Variants in MYOCD observed in about 807,000 individuals in gnomAD.
The protein encoded by MYOCD is myocardin.
Under a neutral mutation model 96.1 loss-of-function variants are expected in MYOCD, and 32 were observed. The ratio of observed to expected loss-of-function variants is 0.33; its 90% CI spans 0.25 to 0.45. The LOEUF is 0.45. MYOCD is among the 20% of genes least tolerant of loss of function. The probability of loss-of-function intolerance (pLI) is 1.00; values close to 1 mark genes in which losing one functional copy is unlikely to be tolerated. For synonymous variants in MYOCD, 469 were observed against 469.0 expected (o/e 1.00, Z 0.00); for missense variants, 1,133 against 1,200.6 (o/e 0.94, Z 0.83).
Position 12,674,148 on chromosome 17 carries a change from C to T in MYOCD, c.55+7905C>T, listed in dbSNP as rs142886773. On this transcript the variant is annotated intron_variant, in intron 1 of 13. Coordinates refer to ENST00000425538, the MANE Select transcript of MYOCD (RefSeq NM_001146312.3). ...TCTTAGAGATGAAGAAGCTGAGGCTCAAAGATGTTAGACAACTTGGAGGCC... is the reference window on the plus strand; with the variant it reads ...TCTTAGAGATGAAGAAGCTGAGGCTTAAAGATGTTAGACAACTTGGAGGCC... Among the ~76,000 whole-genome samples the T allele has an allele frequency of 2.8e-3, 422 of 152,262 alleles. 2 individuals are homozygous for T. The highest frequency in any genetic ancestry group is 9.6e-3 in the African/African-American group (397 of 41,546).
At chr17:12,746,802 C>A (rs191142564) in intron 9 of MYOCD, among the ~76,000 whole-genome samples, 2 of 146,430 alleles carry the variant, frequency 1.4e-5, no homozygotes, top group African/African-American at 5.0e-5. Context: ...AATCTTGGCT[C>A]ACTGCAAGCT....
At chr17:12,756,909 T>G (rs2150724717) in intron 11 of MYOCD, among the ~76,000 whole-genome samples, 1 of 152,180 alleles carries the variant, frequency 6.6e-6, no homozygotes, top group South Asian at 2.1e-4. Flanking sequence ...CCACTCCAAA[T>G]GCATCTAAAA....
At chr17:12,734,167 T>C (rs1462762572) in intron 5 of MYOCD, among the ~76,000 whole-genome samples, 4 of 152,192 alleles carry the variant, frequency 2.6e-5, no homozygotes, top group African/African-American at 9.6e-5. Flanking sequence ...TGGGAGGTGA[T>C]ACCCTGTGTG....
chr17:12,679,286 G>A (rs972088952), intron 1 of MYOCD, among the ~76,000 whole-genome samples: 1 of 152,144 alleles, frequency 6.6e-6, no homozygotes, highest in African/African-American at 2.4e-5. Flanking sequence ...AGGGGAGATG[G>A]AAATTCAGCA....
intron 9 of MYOCD, among the ~76,000 whole-genome samples, chr17:12,749,568 A>G (rs899631734): frequency 6.1e-5 from 9 of 148,484 alleles, no homozygotes; most frequent in Admixed American, 5.4e-4. Flanking sequence ...ACATATGTAT[A>G]TGTATATATA....
In MYOCD at chr17:12,763,097, A is replaced by G. The variant is rs1029286911; in HGVS notation, c.2414A>G (p.Asp805Gly). The G allele has an allele frequency of 1.2e-6, 2 of 1,612,662 alleles. No homozygotes were observed. The highest frequency in any genetic ancestry group is 1.3e-5 in the African/African-American group (1 of 74,822). ...SGEMPADARE[D>G]HSCLQKVPKI... is the part of the protein sequence containing the mutation. ...GAAATGCCAGCAGACGCTAGAGAGG[A>G]TCACTCATGTCTTCAAAAAGTCCCA... The change falls in exon 14 of 14, where the codon GAT (aspartate) becomes GGT (glycine). Residue 805 changes from aspartate (D) to glycine (G), a missense_variant. By Grantham distance (94) the Asp-to-Gly change is moderately conservative. Coordinates refer to ENST00000425538, the MANE Select transcript of MYOCD (RefSeq NM_001146312.3).
chr17:12,704,944 T>C (rs2031229467), intron 1 of MYOCD, 184 bp from the exon 2 acceptor site: 1 of 579,024 alleles, frequency 1.7e-6, no homozygotes, highest in Non-Finnish European at 3.1e-6. Flanking sequence ...TGCAAAACCT[T>C]GTAACCTTCT....
rs28730821 is a variant in MYOCD, at chr17:12,746,236, A to G, written c.1125+164A>G. Among the ~76,000 whole-genome samples, 932 of 152,226 alleles carry G rather than the reference A, an allele frequency of 6.1e-3. 11 individuals are homozygous for G. The highest frequency in any genetic ancestry group is 0.021 in the African/African-American group (886 of 41,534). ...AGAATTTATCCTGCTGTGGTTGAAC[A>G]CCCCAGTTGTCTAGTCCATTTTATG... On this transcript the variant is annotated intron_variant, in intron 9 of 13. Transcript: ENST00000425538.
chr17:12,739,585 G>A (rs545738243), intron 7 of MYOCD, among the ~76,000 whole-genome samples: 2 of 152,298 alleles, frequency 1.3e-5, no homozygotes, highest in African/African-American at 4.8e-5. Context: ...CAGCCAGCAC[G>A]TTCCCCACTT....
At position 12,768,099 on chromosome 17, in the gene MYOCD, A is replaced by T. The variant is rs989225662; in HGVS notation, c.*4455A>T. ...GGGTTCTTGGTTTTCTCATAAATCC[A>T]ATATAAATTTGTAGGTTGGTTCAGG... On this transcript the variant is annotated 3_prime_UTR_variant, in exon 14 of 14. Coordinates refer to ENST00000425538, the MANE Select transcript of MYOCD (RefSeq NM_001146312.3). 7 of 152,202 alleles carry T rather than the reference A, an allele frequency of 4.6e-5. No individual in the cohort carries two copies. The highest frequency in any genetic ancestry group is 2.6e-4 in the Admixed American group (4 of 15,276). The allele number at this position is 152,202 out of a possible 1,614,324, so 9.4% of individuals were successfully genotyped here.
At chr17:12,739,937 T>C (rs1414288310) in intron 7 of MYOCD, among the ~76,000 whole-genome samples, 1 of 152,106 alleles carries the variant, frequency 6.6e-6, no homozygotes, top group African/African-American at 2.4e-5. Flanking sequence ...TTTTTTTCTT[T>C]TTCTTTTTTC....
chr17:12,763,175 C>A lies in MYOCD; in HGVS notation c.2492C>A (p.Ala831Asp). 1 of 1,614,206 alleles carries A rather than the reference C, an allele frequency of 6.2e-7. No homozygotes were observed. The highest frequency in any genetic ancestry group is 8.5e-7 in the Non-Finnish European group (1 of 1,180,024). Reference protein sequence around the residue: ...SPTAVLTKPSASFEQASSGSQ... With the variant: ...SPTAVLTKPSDSFEQASSGSQ... ...ACTGCTGTCCTCACCAAGCCCTCGG[C>A]TTCCTTTGAACAAGCCTCTTCAGGC... The change falls in exon 14 of 14, where the codon GCT becomes GAT. Residue 831 changes from alanine to aspartate, a missense_variant. Ala to Asp is a moderately radical substitution (Grantham distance 126, BLOSUM62 -2). Coordinates refer to ENST00000425538, the MANE Select transcript of MYOCD (RefSeq NM_001146312.3).
At chr17:12,753,393 T>G in intron 10 of MYOCD, 47 bp downstream of exon 10, 1 of 1,496,564 alleles carries the variant, frequency 6.7e-7, no homozygotes, top group South Asian at 1.3e-5. Flanking sequence ...TTTCTGGAAG[T>G]GGGTTACAAA....
intron 11 of MYOCD, among the ~76,000 whole-genome samples, chr17:12,757,644 A>C (rs2003519): frequency 3.9e-5 from 6 of 151,960 alleles, no homozygotes; most frequent in African/African-American, 1.4e-4. Context: ...TTACAGGCGC[A>C]CCACCATGCC....
At chr17:12,730,429 T>C (rs1343437279) in intron 5 of MYOCD, among the ~76,000 whole-genome samples, 1 of 144,174 alleles carries the variant, frequency 6.9e-6, no homozygotes, top group Non-Finnish European at 1.5e-5. Context: ...GCTTGGGCGA[T>C]GAGCGAAACT....
intron 4 of MYOCD, among the ~76,000 whole-genome samples, chr17:12,720,891 G>A (rs1260597373): frequency 4.6e-5 from 7 of 151,688 alleles, no homozygotes; most frequent in East Asian, 1.9e-4. Flanking sequence ...GCGTGGTGGC[G>A]GGTGCCTGTA....
intron 5 of MYOCD, among the ~76,000 whole-genome samples, chr17:12,732,661 A>G (rs1477096183): frequency 1.3e-5 from 2 of 152,182 alleles, no homozygotes; most frequent in African/African-American, 4.8e-5. Context: ...GTTAAACGCA[A>G]CAATTTAGGA....
chr17:12,755,008 A>C (rs751990484), intron 10 of MYOCD, among the ~76,000 whole-genome samples: 16 of 152,328 alleles, frequency 1.1e-4, no homozygotes, highest in South Asian at 8.3e-4. Flanking sequence ...CTCCACCCCA[A>C]GAATGTGAAG....
chr17:12,682,166 C>T (rs1240133577), intron 1 of MYOCD, among the ~76,000 whole-genome samples: 1 of 152,178 alleles, frequency 6.6e-6, no homozygotes, highest in East Asian at 1.9e-4. Context: ...TTCTGTACCC[C>T]AAAGAGGAAC....
Sources: allele counts gnomAD v4.1 joint callset (sites outside exome capture counted in the v4.1 genomes callset), GRCh38; gene constraint gnomAD v4.1.1; transcripts MANE v1.5; gene names NCBI Gene and HGNC (gene_info 2026-07-23, HGNC 2026-07-21).